Variants in ASXL2 observed in about 807,000 individuals in gnomAD.
ASXL2 encodes putative Polycomb group protein ASXL2.
In ASXL2, 23 loss-of-function variants were observed where a neutral mutation model predicts 122.0. The observed-to-expected ratio is 0.19, with a 90% CI of 0.14 to 0.27. The LOEUF (loss-of-function observed/expected upper bound fraction) is 0.27, where lower values mean the gene tolerates loss of function less well. ASXL2 is among the 10% of genes least tolerant of loss of function. The pLI, the probability that ASXL2 is intolerant of heterozygous loss-of-function variation, is 1.00. For missense variants in ASXL2, 1,518 were observed against 1,713.8 expected (o/e 0.89, Z 2.02); for synonymous variants, 650 against 637.0 (o/e 1.02, Z -0.31).
intron 4 of ASXL2, among the ~76,000 whole-genome samples, chr2:25,800,714 C>T (rs550418971): frequency 6.6e-6 from 1 of 152,258 alleles, no homozygotes; most frequent in East Asian, 1.9e-4. Context: ...AAAATCTTAA[C>T]CTTTCATGCT....
intron 9 of ASXL2, 104 bp downstream of exon 9, chr2:25,759,378 A>G: frequency 2.4e-6 from 3 of 1,247,334 alleles, no homozygotes; most frequent in Non-Finnish European, 3.2e-6. Context: ...CTATTAAGAA[A>G]CTTATGTAAA....
At chr2:25,869,675 G>A (rs1574456995) in intron 1 of ASXL2, among the ~76,000 whole-genome samples, 1 of 152,172 alleles carries the variant, frequency 6.6e-6, no homozygotes, top group East Asian at 1.9e-4. Flanking sequence ...AAATTAGCAA[G>A]GCATGGTGGC....
intron 6 of ASXL2, among the ~76,000 whole-genome samples, chr2:25,771,024 T>G (rs1293445644): frequency 1.3e-5 from 2 of 151,888 alleles, no homozygotes; most frequent in East Asian, 3.9e-4. Flanking sequence ...GATCACAAGG[T>G]CAAGAGATTG....
intron 3 of ASXL2, among the ~76,000 whole-genome samples, chr2:25,825,188 C>A (rs1433613199): frequency 6.6e-6 from 1 of 152,204 alleles, no homozygotes; most frequent in Non-Finnish European, 1.5e-5. Flanking sequence ...CATACCTCTG[C>A]TCATTCTCTT....
rs1035571279 is a variant in ASXL2, at chr2:25,869,751, G to A, written c.57+8415C>T. Among the ~76,000 whole-genome samples the A allele has an allele frequency of 4.0e-5, 6 of 151,874 alleles. No individual in the cohort carries two copies. The South Asian group carries it at 1.2e-3, about 32-fold the overall frequency. On this transcript the variant is annotated intron_variant, in intron 1 of 12. Coordinates refer to ENST00000435504, the MANE Select transcript of ASXL2 (RefSeq NM_018263.6). ...GAATCGCTTGAACCTGGGAGCTGGA[G>A]GCTGCAGTGAGCCAAGATTACGCCA... is the stretch of plus-strand genomic sequence containing the variant.
chr2:25,747,172 C>T (rs1194086725), intron 12 of ASXL2, among the ~76,000 whole-genome samples: 1 of 152,042 alleles, frequency 6.6e-6, no homozygotes, highest in East Asian at 1.9e-4. Context: ...CTGCATTAAC[C>T]TTGAGGATGT....
At chr2:25,793,032 C>T (rs1215248832) in intron 5 of ASXL2, among the ~76,000 whole-genome samples, 2 of 151,834 alleles carry the variant, frequency 1.3e-5, no homozygotes, top group Admixed American at 6.6e-5. Context: ...GCGGGCAGAT[C>T]ACTTGAGGCC....
chr2:25,853,807 C>T (rs891750165), intron 1 of ASXL2, among the ~76,000 whole-genome samples: 4 of 151,726 alleles, frequency 2.6e-5, no homozygotes, highest in African/African-American at 9.7e-5. Context: ...CCATGCCCAG[C>T]CTTATTCATC....
At chr2:25,788,979 A>ATTAAATTTTG (rs2088790155) in intron 5 of ASXL2, among the ~76,000 whole-genome samples, 1 of 151,648 alleles carries the variant, frequency 6.6e-6, no homozygotes. Context: ...TAATAGTTTA[A>ATTAAATTTTG]TTCTTTCCAT....
chr2:25,743,229 A>G lies in ASXL2; in HGVS notation c.3108T>C (p.Leu1036=). 6.2e-7 allele frequency: 1 copy of G among 1,613,772 alleles called. No homozygotes were observed. The highest frequency in any genetic ancestry group is 8.5e-7 in the Non-Finnish European group (1 of 1,179,772). The change falls in exon 13 of 13, where the codon CTT becomes CTC. Residue 1036 remains leucine (L), a synonymous_variant. Coordinates refer to ENST00000435504, the MANE Select transcript of ASXL2 (RefSeq NM_018263.6). Reference sequence around the variant, plus strand: ...TCAGCTCCTTAGCTGAAAAGAGCTGAAGGGGCCTTGGAACCTGGGGGAGCT... The same window carrying G: ...TCAGCTCCTTAGCTGAAAAGAGCTGGAGGGGCCTTGGAACCTGGGGGAGCT... ...SKQLPQVPRP[L]QLFSAKELRD...
At chr2:25,812,318 G>A (rs1444126866) in intron 3 of ASXL2, among the ~76,000 whole-genome samples, 1 of 151,986 alleles carries the variant, frequency 6.6e-6, no homozygotes, top group Non-Finnish European at 1.5e-5. Context: ...AAATTAGCTG[G>A]GTATGGTGGC....
In ASXL2 at chr2:25,737,490, A is replaced by C. The variant is rs1386037055; in HGVS notation, c.*4539T>G. On this transcript the variant is annotated 3_prime_UTR_variant, in exon 13 of 13. Coordinates refer to ENST00000435504, the MANE Select transcript of ASXL2 (RefSeq NM_018263.6). ...AACATGGAGACAGACAGATAAGGAA[A>C]ATTTAATCAGTTTTACTTAAATTCC... 1 of 152,184 alleles carries C rather than the reference A, an allele frequency of 6.6e-6. No individual in the cohort carries two copies. The highest frequency in any genetic ancestry group is 1.9e-4 in the East Asian group (1 of 5,194). 9.4% of individuals were successfully genotyped at this position (152,184 alleles called of 1,614,324 possible).
At chr2:25,781,457 T>C (rs993885738) in intron 5 of ASXL2, among the ~76,000 whole-genome samples, 1 of 152,208 alleles carries the variant, frequency 6.6e-6, no homozygotes, top group African/African-American at 2.4e-5. Flanking sequence ...GTTGATGTTG[T>C]TACCGCAAAT....
rs374740875 is a variant in ASXL2 at position 25,750,051 on chromosome 2, T to C, written c.1505A>G (p.Glu502Gly). 5.5e-5 allele frequency: 88 copies of C among 1,614,038 alleles called. No homozygotes were observed. The highest frequency in any genetic ancestry group is 7.3e-5 in the Non-Finnish European group (86 of 1,179,908). Residue 502 changes from glutamate (E) to glycine (G), a missense_variant, in exon 12 of 13, where the codon GAG becomes GGG. Glu to Gly is a moderately conservative substitution (Grantham distance 98). This residue lies in a region of ASXL2 where 292 missense variants were observed against 293.5 expected (regional missense o/e 1.00). Transcript: ENST00000435504. ...AGAAGCTGTGGTGAGATGGTTCTTC[T>C]CAGATTCCTGTTCAGCAGAGGTGAC... is the stretch of plus-strand genomic sequence containing the variant. Reference protein sequence around the residue: ...KPVTSAEQESEKNHLTTASNY... With the variant: ...KPVTSAEQESGKNHLTTASNY...
At chr2:25,764,784 A>G (rs768520142) in intron 8 of ASXL2, among the ~76,000 whole-genome samples, 3 of 152,190 alleles carry the variant, frequency 2.0e-5, no homozygotes, top group Non-Finnish European at 4.4e-5. Context: ...AAAAATTTTT[A>G]CTATTTATGC....
At chr2:25,826,762 T>TAAAAAAAA (rs55765302) in intron 3 of ASXL2, among the ~76,000 whole-genome samples, 26 of 68,036 alleles carry the variant, frequency 3.8e-4, no homozygotes, top group East Asian at 4.8e-4. Flanking sequence ...ACTTTCAAGG[T>TAAAAAAAA]AAAAAAAAAA....
intron 1 of ASXL2, among the ~76,000 whole-genome samples, chr2:25,854,790 A>T (rs1452232276): frequency 1.3e-5 from 2 of 152,168 alleles, no homozygotes; most frequent in African/African-American, 4.8e-5. Flanking sequence ...GCAGAAGGAG[A>T]TGATGAATAT....
At chr2:25,845,122 C>A (rs1408506311) in intron 2 of ASXL2, among the ~76,000 whole-genome samples, 2 of 152,112 alleles carry the variant, frequency 1.3e-5, no homozygotes, top group African/African-American at 4.8e-5. Flanking sequence ...TATCTGTCTA[C>A]CTCTAGGACT....
At chr2:25,776,797 G>A (rs1308024174) in intron 5 of ASXL2, among the ~76,000 whole-genome samples, 1 of 152,098 alleles carries the variant, frequency 6.6e-6, no homozygotes, top group African/African-American at 2.4e-5. Flanking sequence ...AATACTGCCT[G>A]ATTACAAACA....
Sources: allele counts gnomAD v4.1 joint callset (sites outside exome capture counted in the v4.1 genomes callset), GRCh38; gene constraint gnomAD v4.1.1; regional missense constraint gnomAD v4.1.1; transcripts MANE v1.5; gene names NCBI Gene and HGNC (gene_info 2026-07-23, HGNC 2026-07-21).